The following NWD2 variants were observed in gnomAD, a reference collection of about 807,000 sequenced individuals.
NWD2 encodes NACHT and WD repeat domain-containing protein 2.
NWD2 carries 37 observed loss-of-function variants against 132.7 expected under a neutral mutation model. The ratio of observed to expected loss-of-function variants is 0.28; its 90% CI spans 0.21 to 0.37. NWD2 has a LOEUF of 0.37. Among genes scored for constraint, NWD2 ranks in the 10% least tolerant of loss-of-function variants. The pLI is 1.00. For synonymous variants in NWD2, 705 were observed against 803.0 expected, an observed-to-expected ratio of 0.88 and a Z score of 2.06; for missense variants, 1,592 against 2,122.4, an observed-to-expected ratio of 0.75 and a Z score of 4.91.
chr4:37,265,620 A>G (rs1409059448), intron 1 of NWD2, among the ~76,000 whole-genome samples: 3 of 151,964 alleles, frequency 2.0e-5, no homozygotes, highest in Non-Finnish European at 4.4e-5. Context: ...TGCCAGTAGC[A>G]TGACATCCCT....
intron 1 of NWD2, among the ~76,000 whole-genome samples, chr4:37,287,583 G>A (rs1489816600): frequency 6.6e-6 from 1 of 152,180 alleles, no homozygotes; most frequent in Admixed American, 6.5e-5. Context: ...ACTGGGTAGG[G>A]CTTCCCTGCA....
At chr4:37,269,949 G>A (rs1302450043) in intron 1 of NWD2, among the ~76,000 whole-genome samples, 1 of 151,602 alleles carries the variant, frequency 6.6e-6, no homozygotes, top group Non-Finnish European at 1.5e-5. Context: ...GTACCATTTT[G>A]CCCTCCCATC....
intron 2 of NWD2, among the ~76,000 whole-genome samples, chr4:37,328,851 A>G (rs1405050810): frequency 6.6e-6 from 1 of 152,118 alleles, no homozygotes; most frequent in African/African-American, 2.4e-5. Context: ...GTGTGCCAGT[A>G]TCAGATATTT....
At chr4:37,428,727 G>A (rs1232182020) in intron 3 of NWD2, among the ~76,000 whole-genome samples, 1 of 152,182 alleles carries the variant, frequency 6.6e-6, no homozygotes, top group Non-Finnish European at 1.5e-5. Flanking sequence ...AAAGCAAATA[G>A]GCAGTACCAC....
chr4:37,419,172 G>A (rs1711732573), intron 3 of NWD2, among the ~76,000 whole-genome samples: 1 of 152,094 alleles, frequency 6.6e-6, no homozygotes, highest in African/African-American at 2.4e-5. Flanking sequence ...TTTAATAAAT[G>A]GTGTTGGGAA....
rs1331846506 is a variant in NWD2 at position 37,383,785 on chromosome 4, G to GT, written c.357+27304dup. On this transcript the variant is annotated intron_variant, in intron 3 of 6. Coordinates refer to ENST00000309447, the MANE Select transcript of NWD2 (RefSeq NM_001144990.2). ...TTACTTTGGACTCTGAACGTTTTTA[G>GT]TAAGTTTGCAAAAGTTTTCTGGGTT... 3.9e-5 allele frequency among the ~76,000 whole-genome samples: 6 copies of GT among 152,126 alleles called. No individual in the cohort carries two copies. In the South Asian group the frequency reaches 6.2e-4, roughly 16 times the overall value.
At chr4:37,388,663 C>G (rs1375538663) in intron 3 of NWD2, among the ~76,000 whole-genome samples, 1 of 143,976 alleles carries the variant, frequency 6.9e-6, no homozygotes, top group Non-Finnish European at 1.5e-5. Context: ...TCATATATAT[C>G]ATATATAAAT....
intron 1 of NWD2, among the ~76,000 whole-genome samples, chr4:37,297,291 C>A (rs1285781044): frequency 1.3e-5 from 2 of 152,092 alleles, no homozygotes; most frequent in Non-Finnish European, 2.9e-5. Flanking sequence ...TCTTATACTA[C>A]CTAATACAAT....
intron 3 of NWD2, among the ~76,000 whole-genome samples, chr4:37,415,920 A>G (rs996892800): frequency 2.0e-5 from 3 of 152,180 alleles, no homozygotes; most frequent in African/African-American, 7.2e-5. Context: ...GCACAGGCCA[A>G]CCTTCCTCCT....
At chr4:37,400,221 T>C (rs1235131334) in intron 3 of NWD2, among the ~76,000 whole-genome samples, 2 of 152,208 alleles carry the variant, frequency 1.3e-5, no homozygotes, top group East Asian at 1.9e-4. Flanking sequence ...CTATCTGTCC[T>C]ATGTATCTTA....
At chr4:37,409,566 A>G (rs1270717335) in intron 3 of NWD2, among the ~76,000 whole-genome samples, 1 of 152,156 alleles carries the variant, frequency 6.6e-6, no homozygotes, top group Admixed American at 6.5e-5. Flanking sequence ...AAGGGAAGCA[A>G]GTTGGAAAAC....
intron 3 of NWD2, among the ~76,000 whole-genome samples, chr4:37,372,087 A>G (rs904725055): frequency 1.3e-5 from 2 of 152,150 alleles, no homozygotes; most frequent in East Asian, 1.9e-4. Flanking sequence ...GATAAAATCA[A>G]TTTTTTGAAT....
Position 37,368,158 on chromosome 4 carries a change from G to T in NWD2, c.357+11676G>T, listed in dbSNP as rs184014062. ...TGTTGCCGCAGGCTTTAGTAAGATT[G>T]CTTCAGCCAAAACTTGGACTTTTTC... On this transcript the variant is annotated intron_variant, in intron 3 of 6. Coordinates refer to ENST00000309447, the MANE Select transcript of NWD2 (RefSeq NM_001144990.2). Among the ~76,000 whole-genome samples the T allele has an allele frequency of 1.5e-4, 23 of 152,220 alleles. No individual in the cohort carries two copies. The East Asian group carries it at 4.4e-3, about 29-fold the overall frequency.
intron 3 of NWD2, among the ~76,000 whole-genome samples, chr4:37,367,124 C>T (rs1376676245): frequency 6.6e-6 from 1 of 152,038 alleles, no homozygotes; most frequent in Non-Finnish European, 1.5e-5. Flanking sequence ...GGGTTGAAAT[C>T]ATACTAAACT....
chr4:37,342,404 A>T (rs1719546328), intron 2 of NWD2, among the ~76,000 whole-genome samples: 2 of 152,116 alleles, frequency 1.3e-5, no homozygotes, highest in Non-Finnish European at 2.9e-5. Context: ...TGGAATCATG[A>T]GCCAAATAAG....
intron 3 of NWD2, among the ~76,000 whole-genome samples, chr4:37,395,584 CAAAAAAA>C (rs1156884728): frequency 0.048 from 884 of 18,282 alleles, 32 homozygotes; most frequent in African/African-American, 0.16. Flanking sequence ...AACTCTGTCT[CAAAAAAA>C]AAAAAAAAAA....
Position 37,438,809 on chromosome 4 carries a change from G to A in NWD2, c.715G>A (p.Asp239Asn). 3 of 1,548,346 alleles carry A rather than the reference G, an allele frequency of 1.9e-6. No individual in the cohort carries two copies. Among genetic ancestry groups the A allele is most frequent in the Non-Finnish European group, 2.6e-6 (3 of 1,145,134 alleles). ...AKRYLFSAIE[D>N]EFDFALGKQT... ...CTTATATTTTCTTTCAGCTATAGAG[G>A]ATGAGTTTGACTTTGCTCTGGGAAA... Residue 239 changes from aspartate to asparagine, a missense_variant, in exon 6 of 7, where the codon GAT becomes AAT. Physicochemically the swap from Asp to Asn is conservative, Grantham distance 23. Transcript: ENST00000309447.
At chr4:37,405,436 G>C (rs748879265) in intron 3 of NWD2, among the ~76,000 whole-genome samples, 12 of 49,476 alleles carry the variant, frequency 2.4e-4, no homozygotes, top group African/African-American at 8.1e-4. Flanking sequence ...GAATAGAATA[G>C]AATAGAATAG....
At chr4:37,333,282 T>C (rs1719331134) in intron 2 of NWD2, among the ~76,000 whole-genome samples, 1 of 152,150 alleles carries the variant, frequency 6.6e-6, no homozygotes, top group African/African-American at 2.4e-5. Flanking sequence ...AGGGCCTTGA[T>C]GGGACTCACT....
Sources: allele counts gnomAD v4.1 joint callset (sites outside exome capture counted in the v4.1 genomes callset), GRCh38; gene constraint gnomAD v4.1.1; transcripts MANE v1.5; gene names NCBI Gene and HGNC (gene_info 2026-07-23, HGNC 2026-07-21).